The following IZUMO1 variants were observed in gnomAD, a reference collection of about 807,000 sequenced individuals.
IZUMO1 encodes izumo sperm-oocyte fusion 1.
Under a neutral mutation model 40.7 loss-of-function variants are expected in IZUMO1, and 44 were observed. The ratio of observed to expected loss-of-function variants is 1.08; its 90% CI spans 0.85 to 1.39. The LOEUF (loss-of-function observed/expected upper bound fraction) is 1.39, where lower values mean the gene tolerates loss of function less well. Among genes scored for constraint, IZUMO1 ranks in the 40% most tolerant of loss-of-function variants. The pLI, the probability that IZUMO1 is intolerant of heterozygous loss-of-function variation, is 0.00. For missense variants in IZUMO1, 368 were observed against 436.9 expected (o/e 0.84, Z 1.41); for synonymous variants, 149 against 170.9 (o/e 0.87, Z 1.00).
intron 7 of IZUMO1, 70 bp from the exon 8 acceptor site, chr19:48,742,012 G>A: frequency 6.5e-7 from 1 of 1,542,014 alleles, no homozygotes; most frequent in East Asian, 2.3e-5. Flanking sequence ...GGGGTGAGAA[G>A]ATCACAGGGC....
At chr19:48,743,562 A>T in intron 5 of IZUMO1, 37 bp from the exon 6 acceptor site, 2 of 1,501,078 alleles carry the variant, frequency 1.3e-6, no homozygotes, top group Non-Finnish European at 1.9e-6. Flanking sequence ...TTTGCCCACT[A>T]AGGGGCATGG....
chr19:48,742,725 C>CTT (rs34894807), intron 6 of IZUMO1, among the ~76,000 whole-genome samples: 9,445 of 93,424 alleles, frequency 0.1, 1,049 homozygotes, highest in South Asian at 0.24. Context: ...TTCTCTCTCT[C>CTT]TTTTTTTTTT....
At chr19:48,744,242 C>A in intron 4 of IZUMO1, 47 bp from the exon 5 acceptor site, 1 of 1,583,364 alleles carries the variant, frequency 6.3e-7, no homozygotes, top group South Asian at 1.1e-5. Flanking sequence ...ATGACAGAGT[C>A]AGATTTCTAA....
At chr19:48,742,067 C>CG in intron 7 of IZUMO1, 125 bp from the exon 8 acceptor site, 1 of 1,522,598 alleles carries the variant, frequency 6.6e-7, no homozygotes, top group Non-Finnish European at 8.9e-7. Context: ...GGTCAGGGCA[C>CG]GGGGTCCCCA....
In IZUMO1 at chr19:48,743,494, C is replaced by A. The variant is rs1206040325; in HGVS notation, c.450G>T (p.Lys150Asn). ...GVMLQTLIWC[K>N]NCKKEVHACR... ...AAGCGTGAACCTCCTTTTTGCAGTT[C>A]TTGCACCAGATCAGAGTTTGCAACA... Residue 150 changes from lysine to asparagine, a missense_variant, in exon 6 of 10, where the codon AAG becomes AAT. Lys to Asn is a moderately conservative substitution (Grantham distance 94, BLOSUM62 0). Coordinates refer to ENST00000332955, the MANE Select transcript of IZUMO1 (RefSeq NM_182575.3). 1 of 1,614,144 alleles carries A rather than the reference C, an allele frequency of 6.2e-7. No individual in the cohort carries two copies. Among genetic ancestry groups the A allele is most frequent in the African/African-American group, 1.3e-5 (1 of 75,036 alleles).
chr19:48,744,569 C>T (rs759933979), intron 3 of IZUMO1, 30 bp from the exon 4 acceptor site: 96 of 1,516,468 alleles, frequency 6.3e-5, no homozygotes, highest in Admixed American at 1.0e-4. Context: ...CCCAATCCCA[C>T]GTGTGAGGTG....
intron 1 of IZUMO1, chr19:48,746,154 TAAACAGGAATCACTCATA>T: frequency 8.0e-7 from 1 of 1,250,544 alleles, no homozygotes. Context: ...GAAAAACTAT[TAAACAGGAATCACTCATA>T]AGTCCCCAAA....
At chr19:48,744,768 C>T (rs2122526643) in intron 3 of IZUMO1, among the ~76,000 whole-genome samples, 1 of 152,126 alleles carries the variant, frequency 6.6e-6, no homozygotes, top group South Asian at 2.1e-4. Flanking sequence ...CTCACTGAAG[C>T]CTCAAACTCC....
chr19:48,742,315 G>T lies in IZUMO1; in HGVS notation c.500-6C>A. On this transcript the variant is annotated splice_polypyrimidine_tract_variant and splice_region_variant and intron_variant, in intron 6 of 9. Coordinates refer to ENST00000332955, the MANE Select transcript of IZUMO1 (RefSeq NM_182575.3). The stretch of plus-strand genomic sequence containing the variant: ...AGGAACTTCCACATTCCGCTCTGGG[G>T]GTGGGGGATGACCATGGGACACTCA... 2 of 1,595,340 alleles carry T rather than the reference G, an allele frequency of 1.3e-6. No individual in the cohort carries two copies. Among genetic ancestry groups the T allele is most frequent in the East Asian group, 2.2e-5 (1 of 44,786 alleles).
At position 48,742,227 on chromosome 19, in the gene IZUMO1, A is replaced by G. The variant is rs1401348758; in HGVS notation, c.582T>C (p.Thr194=). The stretch of plus-strand genomic sequence containing the variant: ...CCCTCACCCTGTAAAAGCTGTAATC[A>G]GTGAGGCCTTCCGAAGCCTGATGCC... The part of the protein sequence containing the change: ...LNWHQASEGL[T]DYSFYRVWGN... Residue 194 remains threonine (T), a synonymous_variant, in exon 7 of 10, where the codon ACT becomes ACC. Coordinates refer to ENST00000332955, the MANE Select transcript of IZUMO1 (RefSeq NM_182575.3). The G allele has an allele frequency of 1.2e-6, 2 of 1,613,698 alleles. No individual in the cohort carries two copies. Among genetic ancestry groups the G allele is most frequent in the African/African-American group, 1.3e-5 (1 of 75,050 alleles).
chr19:48,745,610 C>G lies in IZUMO1; in HGVS notation c.235+15G>C, dbSNP rs1266174185. On this transcript the variant is annotated intron_variant, in intron 2 of 9. Transcript: ENST00000332955. ...TTCCCAGGACCCAGGGGTCCGTGGT[C>G]CCCCCTGCCCTCACCAACGACCCCC... is the stretch of plus-strand genomic sequence containing the variant. 6.2e-7 allele frequency: 1 copy of G among 1,612,122 alleles called. No homozygotes were observed. Among genetic ancestry groups the G allele is most frequent in the Non-Finnish European group, 8.5e-7 (1 of 1,178,456 alleles).
At chr19:48,743,702 G>GT in intron 5 of IZUMO1, 177 bp from the exon 6 acceptor site, 1 of 620,572 alleles carries the variant, frequency 1.6e-6, no homozygotes, top group Non-Finnish European at 2.9e-6. Flanking sequence ...AGTAAAGATT[G>GT]TAAGTAGAGG....
intron 1 of IZUMO1, 112 bp from the exon 2 acceptor site, chr19:48,746,044 C>A: frequency 2.8e-6 from 4 of 1,433,466 alleles, no homozygotes. Context: ...ATAAAGAGGA[C>A]CTATGTCCTT....
intron 5 of IZUMO1, 122 bp downstream of exon 5, chr19:48,744,053 T>C: frequency 1.2e-6 from 1 of 833,442 alleles, no homozygotes; most frequent in Non-Finnish European, 2.1e-6. Flanking sequence ...GAAAGAATAC[T>C]GGAGACCCAG....
intron 1 of IZUMO1, chr19:48,746,193 G>T: frequency 1.8e-6 from 2 of 1,140,200 alleles, no homozygotes; most frequent in Non-Finnish European, 2.2e-6. Flanking sequence ...CTCAGAACCT[G>T]GAATCTCCCA....
At position 48,742,202 on chromosome 19, in the gene IZUMO1, C is replaced by G. The variant is rs114817513; in HGVS notation, c.600+7G>C. 3,248 of 1,606,212 alleles carry G rather than the reference C, an allele frequency of 2.0e-3. 52 individuals carry two copies. The African/African-American group carries it at 0.037, about 18-fold the overall frequency. ...AGTTCAAGGGTTACAGAAGTTGAGGCCCTCACCCTGTAAAAGCTGTAATCA... is the reference window on the plus strand; with the variant it reads ...AGTTCAAGGGTTACAGAAGTTGAGGGCCTCACCCTGTAAAAGCTGTAATCA... On this transcript the variant is annotated splice_region_variant and intron_variant, in intron 7 of 9. Coordinates refer to ENST00000332955, the MANE Select transcript of IZUMO1 (RefSeq NM_182575.3).
Position 48,741,906 on chromosome 19 carries a change from C to G in IZUMO1, c.637G>C (p.Gly213Arg). Reference protein sequence around the residue: ...GNNTETLVSKGKEATLTKPMV... With the variant: ...GNNTETLVSKRKEATLTKPMV... ...GGCTTGGTCAGGGTGGCCTCTTTCC[C>G]CTTGGACACCAAGGTCTCCGTATTG... The change falls in exon 8 of 10, where the codon GGG (glycine) becomes CGG (arginine). Residue 213 changes from glycine (G) to arginine (R), a missense_variant. By Grantham distance (125) the Gly-to-Arg change is moderately radical. Coordinates refer to ENST00000332955, the MANE Select transcript of IZUMO1 (RefSeq NM_182575.3). The surrounding 1 kb of genome is among the most constrained non-coding windows in gnomAD (Gnocchi z 4.4). 1 of 1,611,336 alleles carries G rather than the reference C, an allele frequency of 6.2e-7. No individual in the cohort carries two copies. Among genetic ancestry groups the G allele is most frequent in the Non-Finnish European group, 8.5e-7 (1 of 1,178,008 alleles).
rs2033841211 is a variant in IZUMO1 at position 48,745,144 on chromosome 19, A to T, written c.310+70T>A. The T allele has an allele frequency of 1.0e-5, 13 of 1,296,554 alleles. No homozygotes were observed. The Middle Eastern group carries it at 6.4e-4, about 63-fold the overall frequency. 80.3% of individuals were successfully genotyped at this position (1,296,554 alleles called of 1,614,324 possible). On this transcript the variant is annotated intron_variant, in intron 3 of 9. Transcript: ENST00000332955. Reference sequence around the variant, plus strand: ...TGGGTCCACAGCCTAGTATCTGACCAAGAGACCAGGCATCACTAACGCTGG... The same window carrying T: ...TGGGTCCACAGCCTAGTATCTGACCTAGAGACCAGGCATCACTAACGCTGG...
chr19:48,745,754 G>C lies in IZUMO1; in HGVS notation c.106C>G (p.Leu36Val). The C allele has an allele frequency of 6.2e-7, 1 of 1,614,222 alleles. No individual in the cohort carries two copies. The highest frequency in any genetic ancestry group is 8.5e-7 in the Non-Finnish European group (1 of 1,180,048). ...TGGCCAGGCAGGTAATCTTTCTCCA[G>C]GGACTTTAGCGCCAGCACGACAGAC... The part of the protein sequence containing the change: ...DPSVVLALKS[L>V]EKDYLPGHLD... The change falls in exon 2 of 10, where the codon CTG (leucine) becomes GTG (valine). Residue 36 changes from leucine (L) to valine (V), a missense_variant. By Grantham distance (32) the Leu-to-Val change is conservative (BLOSUM62 1). Transcript: ENST00000332955.
Sources: gnomAD v4.1 joint callset for allele counts (sites outside exome capture counted in the v4.1 genomes callset) on GRCh38, gnomAD v4.1.1 for gene constraint, Gnocchi (gnomAD v3.1) non-coding constraint, MANE v1.5 for transcripts, NCBI Gene and HGNC (gene_info 2026-07-23, HGNC 2026-07-21) for gene names.